Variants in CYP19A1 observed in about 807,000 individuals in gnomAD.
CYP19A1 encodes aromatase.
In CYP19A1, 32 loss-of-function variants were observed where a neutral mutation model predicts 44.4. The observed-to-expected ratio is 0.72, with a 90% CI of 0.54 to 0.97. CYP19A1 has a LOEUF of 0.97. CYP19A1 is among the 50% of genes least tolerant of loss of function. The pLI, the probability that CYP19A1 is intolerant of heterozygous loss-of-function variation, is 0.00. For synonymous variants in CYP19A1, 212 were observed against 215.6 expected (o/e 0.98, Z 0.14); for missense variants, 598 against 637.8 (o/e 0.94, Z 0.67).
At chr15:51,293,985 TG>T in intron 1 of CYP19A1, 1 of 206,428 alleles carries the variant, frequency 4.8e-6, no homozygotes, top group South Asian at 6.6e-5. Context: ...CCACCCCGTC[TG>T]GGAAGTGAGG....
intron 1 of CYP19A1, among the ~76,000 whole-genome samples, chr15:51,301,242 A>G (rs534229446): frequency 3.9e-5 from 6 of 152,340 alleles, no homozygotes; most frequent in East Asian, 1.9e-4. Flanking sequence ...GGACTTGGCT[A>G]TGTTGCCTCC....
At chr15:51,281,637 C>T (rs1462439470) in intron 1 of CYP19A1, among the ~76,000 whole-genome samples, 1 of 152,170 alleles carries the variant, frequency 6.6e-6, no homozygotes, top group Non-Finnish European at 1.5e-5. Context: ...AGAGTTGGCC[C>T]CCCTCTCAGG....
chr15:51,238,928 T>C (rs2033581254), intron 2 of CYP19A1, among the ~76,000 whole-genome samples: 1 of 152,050 alleles, frequency 6.6e-6, no homozygotes, highest in Non-Finnish European at 1.5e-5. Flanking sequence ...CCCATCAGAG[T>C]CTAGGGGCAA....
chr15:51,267,693 A>G (rs1310080607), intron 1 of CYP19A1, among the ~76,000 whole-genome samples: 1 of 152,214 alleles, frequency 6.6e-6, no homozygotes, highest in Non-Finnish European at 1.5e-5. Flanking sequence ...TTCACTTACA[A>G]TACACGAATT....
intron 1 of CYP19A1, among the ~76,000 whole-genome samples, chr15:51,299,755 C>T (rs2036074076): frequency 6.6e-6 from 1 of 152,236 alleles, no homozygotes; most frequent in African/African-American, 2.4e-5. Context: ...ACCTTCTACT[C>T]ACTTGTTCAC....
chr15:51,292,673 C>T (rs1241555177), intron 1 of CYP19A1, among the ~76,000 whole-genome samples: 3 of 152,184 alleles, frequency 2.0e-5, no homozygotes, highest in Non-Finnish European at 4.4e-5. Flanking sequence ...GAAATCCTGC[C>T]CCTGCTTTCC....
At chr15:51,257,419 A>G (rs1052094712) in intron 1 of CYP19A1, among the ~76,000 whole-genome samples, 6 of 152,210 alleles carry the variant, frequency 3.9e-5, no homozygotes, top group Non-Finnish European at 8.8e-5. Context: ...GGTGAAGGGT[A>G]GTGATTCGGT....
chr15:51,221,259 GTGAATTTT>G (rs1226883374), intron 5 of CYP19A1: 1 of 152,166 alleles, frequency 6.6e-6, no homozygotes, highest in Admixed American at 6.5e-5. Context: ...GAATGGGCTT[GTGAATTTT>G]TCTTTGTGTA....
intron 1 of CYP19A1, among the ~76,000 whole-genome samples, chr15:51,329,434 G>A (rs2036664658): frequency 6.6e-6 from 1 of 152,204 alleles, no homozygotes. Context: ...GGATAGTAAG[G>A]CTAGGGGCCT....
Position 51,210,916 on chromosome 15 carries a change from A to G in CYP19A1, c.1404T>C (p.Val468=), listed in dbSNP as rs777484912. The G allele has an allele frequency of 6.2e-7, 1 of 1,605,620 alleles. No homozygotes were observed. ...FHVKTLQGQC[V]ESIQKIHDLS... is the part of the protein sequence containing the mutation. ...AGTCGTGTATCTTCTGTATGCTCTC[A>G]ACACACTGTCCTTGCAATGTCTTCA... is the stretch of plus-strand genomic sequence containing the variant. The change falls in exon 10 of 10, where the codon GTT becomes GTC. Residue 468 remains valine (V), a synonymous_variant. Transcript: ENST00000396402.
intron 5 of CYP19A1, among the ~76,000 whole-genome samples, chr15:51,219,587 A>C (rs1220351391): frequency 6.6e-6 from 1 of 152,198 alleles, no homozygotes; most frequent in African/African-American, 2.4e-5. Flanking sequence ...CTGAGGCTGG[A>C]GCTGCTTCTG....
intron 1 of CYP19A1, among the ~76,000 whole-genome samples, chr15:51,334,994 G>A (rs1239893519): frequency 1.3e-5 from 2 of 152,198 alleles, no homozygotes; most frequent in African/African-American, 4.8e-5. Flanking sequence ...CTGAGGCTTT[G>A]CAGGGTTGGA....
intron 1 of CYP19A1, among the ~76,000 whole-genome samples, chr15:51,286,286 G>A (rs1306800908): frequency 6.6e-6 from 1 of 152,050 alleles, no homozygotes; most frequent in Non-Finnish European, 1.5e-5. Context: ...CCTCTTATTT[G>A]CATATAAATA....
chr15:51,266,998 A>C (rs899735928), intron 1 of CYP19A1, among the ~76,000 whole-genome samples: 1 of 152,210 alleles, frequency 6.6e-6, no homozygotes, highest in Non-Finnish European at 1.5e-5. Context: ...GTCAAAGAAC[A>C]GGGCAGTCTG....
At chr15:51,297,503 C>G (rs570309612) in intron 1 of CYP19A1, among the ~76,000 whole-genome samples, 4 of 152,218 alleles carry the variant, frequency 2.6e-5, no homozygotes, top group Admixed American at 6.5e-5. Context: ...CTTGCTGCAG[C>G]CTCTCATTCC....
At chr15:51,299,202 T>C (rs2140999221) in intron 1 of CYP19A1, among the ~76,000 whole-genome samples, 1 of 152,200 alleles carries the variant, frequency 6.6e-6, no homozygotes, top group Non-Finnish European at 1.5e-5. Context: ...CCATCTGATC[T>C]CAGGTTTACA....
At chr15:51,294,447 G>C (rs374152199) in intron 1 of CYP19A1, among the ~76,000 whole-genome samples, 13 of 118,140 alleles carry the variant, frequency 1.1e-4, no homozygotes, top group African/African-American at 4.6e-4. Context: ...CAACCGCCCC[G>C]TCTGAGAAGT....
chr15:51,260,315 A>G (rs1000221920), intron 1 of CYP19A1, among the ~76,000 whole-genome samples: 1 of 152,242 alleles, frequency 6.6e-6, no homozygotes, highest in Non-Finnish European at 1.5e-5. Context: ...AGGGGAAAGC[A>G]TTAAATATAA....
chr15:51,222,514 GGCCTGAC>G lies in CYP19A1; in HGVS notation c.456_462del (p.Ser153ProfsTer24). 6.2e-7 allele frequency: 1 copy of G among 1,613,580 alleles called. No homozygotes were observed. Among genetic ancestry groups the G allele is most frequent in the Admixed American group, 1.7e-5 (1 of 59,982 alleles). On this transcript the variant is annotated frameshift_variant, in exon 5 of 10. Coordinates refer to ENST00000396402, the MANE Select transcript of CYP19A1 (RefSeq NM_000103.4). LOFTEE classifies it high-confidence loss of function. ...ACTGTGACCATACGAACAAGGCCGG[GGCCTGAC>G]AGAGCTGCAGAGTACACATCAGAGA...
Sources: gnomAD v4.1 joint callset for allele counts (sites outside exome capture counted in the v4.1 genomes callset) on GRCh38, gnomAD v4.1.1 for gene constraint, MANE v1.5 for transcripts, NCBI Gene and HGNC (gene_info 2026-07-23, HGNC 2026-07-21) for gene names.